Variants in DOCK5 observed in about 807,000 individuals in gnomAD.
DOCK5 encodes the protein dedicator of cytokinesis protein 5.
Under a neutral mutation model 251.8 loss-of-function variants are expected in DOCK5, and 142 were observed. That is an observed-to-expected ratio of 0.56 (90% CI 0.49 to 0.65). The LOEUF is 0.65. Ranked by LOEUF, DOCK5 falls within the 30% of genes least tolerant of loss-of-function variation. The probability of loss-of-function intolerance (pLI) is 0.00; values close to 1 mark genes in which losing one functional copy is unlikely to be tolerated. For missense variants in DOCK5, 2,111 were observed against 2,312.3 expected (o/e 0.91, Z 1.79); for synonymous variants, 842 against 835.5 (o/e 1.01, Z -0.13).
intron 48 of DOCK5, among the ~76,000 whole-genome samples, chr8:25,406,555 AT>A (rs1378726235): frequency 4.6e-5 from 7 of 152,102 alleles, no homozygotes; most frequent in Middle Eastern, 3.2e-3. Context: ...CAATTATAGC[AT>A]ATAGTTTGGT....
chr8:25,365,757 T>C (rs1002916668), intron 30 of DOCK5, among the ~76,000 whole-genome samples: 20 of 152,034 alleles, frequency 1.3e-4, no homozygotes, highest in African/African-American at 4.6e-4. Flanking sequence ...TGTGGAGAGG[T>C]GGGGTTTTCC....
intron 42 of DOCK5, among the ~76,000 whole-genome samples, chr8:25,391,129 C>A (rs541486882): frequency 1.3e-5 from 2 of 152,136 alleles, no homozygotes; most frequent in African/African-American, 4.8e-5. Context: ...CAACTTCAAA[C>A]TCCTGGGCTC....
intron 7 of DOCK5, among the ~76,000 whole-genome samples, chr8:25,298,458 G>A (rs1804673685): frequency 6.6e-6 from 1 of 152,152 alleles, no homozygotes; most frequent in Non-Finnish European, 1.5e-5. Flanking sequence ...TGGGATTCAA[G>A]GCCCTGAACA....
rs758571018 is a variant in DOCK5 at position 25,372,570 on chromosome 8, A to G, written c.3536A>G (p.His1179Arg). 9.5e-6 allele frequency: 15 copies of G among 1,580,580 alleles called. No individual in the cohort carries two copies. Among genetic ancestry groups the G allele is most frequent in the Non-Finnish European group, 1.2e-5 (14 of 1,168,664 alleles). The change falls in exon 35 of 52, where the codon CAT (histidine) becomes CGT (arginine). Residue 1179 changes from histidine to arginine, a missense_variant. His to Arg is a conservative substitution (Grantham distance 29). Transcript: ENST00000276440. ...KVLLEKLLLEHCRKHKYLSSS... is the reference protein window; with the variant it reads ...KVLLEKLLLERCRKHKYLSSS... ...CTCCGCCCCTCCAGGCTCCTAGAAC[A>G]TTGCCGGAAACACAAATACCTCTCC... is the stretch of plus-strand genomic sequence containing the variant.
At chr8:25,382,648 T>C in intron 39 of DOCK5, 26 bp from the exon 40 acceptor site, 1 of 1,565,330 alleles carries the variant, frequency 6.4e-7, no homozygotes. Flanking sequence ...TAACCTCCCC[T>C]TGGAATGTCT....
intron 45 of DOCK5, among the ~76,000 whole-genome samples, chr8:25,396,685 C>T (rs1213100471): frequency 6.6e-6 from 1 of 151,924 alleles, no homozygotes; most frequent in African/African-American, 2.4e-5. Flanking sequence ...CCCTGTGGAG[C>T]CGCCTGGAGA....
At chr8:25,243,602 T>TA in intron 1 of DOCK5, 72 bp from the exon 2 acceptor site, 7 of 1,439,424 alleles carry the variant, frequency 4.9e-6, no homozygotes, top group Non-Finnish European at 6.6e-6. Flanking sequence ...GTGCTGAGAT[T>TA]ATAGGCGTGA....
At chr8:25,344,570 G>A (rs1051616811) in intron 25 of DOCK5, among the ~76,000 whole-genome samples, 11 of 152,190 alleles carry the variant, frequency 7.2e-5, no homozygotes, top group African/African-American at 2.7e-4. Context: ...TGGAAGGAAG[G>A]ACTTGAGCTA....
chr8:25,225,445 G>A (rs946597358), intron 1 of DOCK5, among the ~76,000 whole-genome samples: 1 of 152,166 alleles, frequency 6.6e-6, no homozygotes. Flanking sequence ...GGTGGCTCAC[G>A]CCTGTAATCC....
At chr8:25,258,293 C>A (rs1203336366) in intron 2 of DOCK5, among the ~76,000 whole-genome samples, 4 of 151,986 alleles carry the variant, frequency 2.6e-5, no homozygotes, top group African/African-American at 9.7e-5. Context: ...TCTGCTATCA[C>A]CCTCTGTGAT....
intron 2 of DOCK5, among the ~76,000 whole-genome samples, chr8:25,263,807 T>G (rs992825895): frequency 6.6e-6 from 1 of 151,682 alleles, no homozygotes; most frequent in Non-Finnish European, 1.5e-5. Context: ...CTTCCCCCAC[T>G]GCGAATGCCC....
At chr8:25,248,631 G>A (rs1803181677) in intron 2 of DOCK5, among the ~76,000 whole-genome samples, 1 of 151,934 alleles carries the variant, frequency 6.6e-6, no homozygotes, top group Non-Finnish European at 1.5e-5. Flanking sequence ...CCACCGCCCG[G>A]GACAGAATAC....
At chr8:25,356,061 G>A (rs1293011901) in intron 27 of DOCK5, among the ~76,000 whole-genome samples, 2 of 149,588 alleles carry the variant, frequency 1.3e-5, no homozygotes, top group African/African-American at 4.9e-5. Context: ...ATAGCCAGTT[G>A]TGGTGATGCA....
chr8:25,229,629 T>C (rs975702746), intron 1 of DOCK5, among the ~76,000 whole-genome samples: 2 of 152,204 alleles, frequency 1.3e-5, no homozygotes, highest in African/African-American at 4.8e-5. Flanking sequence ...TGATTGCGAC[T>C]AATTGTATCT....
chr8:25,271,164 A>ATT (rs5890213), intron 3 of DOCK5: 237 of 207,656 alleles, frequency 1.1e-3, no homozygotes, highest in South Asian at 3.0e-3. Context: ...TAAATTCTGG[A>ATT]TTTTTTTTAA....
chr8:25,202,713 A>G (rs1005023623), intron 1 of DOCK5, among the ~76,000 whole-genome samples: 10 of 152,198 alleles, frequency 6.6e-5, no homozygotes, highest in African/African-American at 2.2e-4. Context: ...TATTTATGAT[A>G]AAGCTGAATT....
intron 1 of DOCK5, among the ~76,000 whole-genome samples, chr8:25,199,309 A>G (rs1394361346): frequency 1.1e-5 from 1 of 87,338 alleles, no homozygotes; most frequent in East Asian, 3.0e-4. Context: ...ATGTGATGTC[A>G]TCTTCTGAAG....
chr8:25,332,171 C>G, intron 18 of DOCK5, 80 bp from the exon 19 acceptor site: 1 of 1,059,316 alleles, frequency 9.4e-7, no homozygotes, highest in Non-Finnish European at 1.4e-6. Flanking sequence ...ATTACCTGTT[C>G]TAGAGAATTC....
Position 25,341,184 on chromosome 8 carries a change from G to A in DOCK5, c.2439+196G>A, listed in dbSNP as rs184873160. On this transcript the variant is annotated intron_variant, in intron 23 of 51. Coordinates refer to ENST00000276440, the MANE Select transcript of DOCK5 (RefSeq NM_024940.8). Reference sequence around the variant, plus strand: ...TTCTACAGAGCTTGTATTTTCAAGTGTCAACTTGCCAAAGACAAGCTACCC... The same window carrying A: ...TTCTACAGAGCTTGTATTTTCAAGTATCAACTTGCCAAAGACAAGCTACCC... Among the ~76,000 whole-genome samples, 8 of 152,222 alleles carry A rather than the reference G, an allele frequency of 5.3e-5. No individual in the cohort carries two copies. The East Asian group carries it at 7.7e-4, about 15-fold the overall frequency.
Sources: gnomAD v4.1 joint callset for allele counts (sites outside exome capture counted in the v4.1 genomes callset) on GRCh38, gnomAD v4.1.1 for gene constraint, MANE v1.5 for transcripts, NCBI Gene and HGNC (gene_info 2026-07-23, HGNC 2026-07-21) for gene names.